NRXN3: variants seen among roughly 807,000 people sequenced by gnomAD.
NRXN3 encodes neurexin III.
NRXN3 carries 32 observed loss-of-function variants against 137.6 expected under a neutral mutation model. The ratio of observed to expected loss-of-function variants is 0.23; its 90% CI spans 0.18 to 0.31. The LOEUF (loss-of-function observed/expected upper bound fraction) is 0.31. NRXN3 is among the 10% of genes least tolerant of loss of function. The probability of loss-of-function intolerance (pLI) is 1.00; values close to 1 mark genes in which losing one functional copy is unlikely to be tolerated. For missense variants in NRXN3, 1,574 were observed against 2,062.5 expected, an observed-to-expected ratio of 0.76 and a Z score of 4.59; for synonymous variants, 798 against 784.5, an observed-to-expected ratio of 1.02 and a Z score of -0.29.
At chr14:79,624,977 G>C (rs781382660) in intron 16 of NRXN3, among the ~76,000 whole-genome samples, 113 of 151,820 alleles carry the variant, frequency 7.4e-4, no homozygotes, top group Non-Finnish European at 1.2e-3. Context: ...CTAATTGTTT[G>C]TTGTAGAGAT....
intron 15 of NRXN3, among the ~76,000 whole-genome samples, chr14:79,104,210 TG>T (rs1239133042): frequency 8.0e-4 from 122 of 152,316 alleles, no homozygotes; most frequent in African/African-American, 2.9e-3. Flanking sequence ...CTTATTAGAA[TG>T]GAAGTTCCAT....
intron 4 of NRXN3, among the ~76,000 whole-genome samples, chr14:78,640,088 A>C (rs898358961): frequency 6.6e-6 from 1 of 152,000 alleles, no homozygotes; most frequent in African/African-American, 2.4e-5. Flanking sequence ...TTGCATTTGG[A>C]TCTTAAGTAT....
chr14:79,315,389 A>G (rs902352129), intron 15 of NRXN3, among the ~76,000 whole-genome samples: 2 of 152,212 alleles, frequency 1.3e-5, no homozygotes, highest in African/African-American at 4.8e-5. Context: ...ATGCAGGACC[A>G]ATGCTCCATC....
chr14:78,947,027 A>G (rs996488299), intron 10 of NRXN3, among the ~76,000 whole-genome samples: 1 of 152,188 alleles, frequency 6.6e-6, no homozygotes, highest in African/African-American at 2.4e-5. Flanking sequence ...ACCTACATAC[A>G]TATTATTTTA....
intron 16 of NRXN3, among the ~76,000 whole-genome samples, chr14:79,536,418 C>G (rs1461354431): frequency 1.4e-5 from 2 of 145,488 alleles, no homozygotes; most frequent in East Asian, 3.9e-4. Context: ...CATCTGGTCA[C>G]AACATTTTTT....
intron 4 of NRXN3, among the ~76,000 whole-genome samples, chr14:78,567,499 T>C (rs1372660865): frequency 6.6e-6 from 1 of 152,022 alleles, no homozygotes; most frequent in Non-Finnish European, 1.5e-5. Context: ...ACTGACCACA[T>C]GTAATTCTGC....
At chr14:79,182,608 T>C (rs1261689540) in intron 15 of NRXN3, among the ~76,000 whole-genome samples, 1 of 152,108 alleles carries the variant, frequency 6.6e-6, no homozygotes, top group African/African-American at 2.4e-5. Flanking sequence ...AGATGAAGCT[T>C]TGCTTGCTCA....
In NRXN3 at chr14:78,483,302, T is replaced by C. The variant is rs527316629; in HGVS notation, c.758-161818T>C. 7.2e-5 allele frequency among the ~76,000 whole-genome samples: 11 copies of C among 152,348 alleles called. No homozygotes were observed. In the East Asian group the frequency reaches 1.9e-3, roughly 27 times the overall value. On this transcript the variant is annotated intron_variant, in intron 4 of 20. Coordinates refer to ENST00000335750, the MANE Select transcript of NRXN3 (RefSeq NM_001330195.2). ...TTACTGTTAATCTGCTGTTCAACTTTTTGGGAATGAATTAGCAACTCTTAA... is the reference window on the plus strand; with the variant it reads ...TTACTGTTAATCTGCTGTTCAACTTCTTGGGAATGAATTAGCAACTCTTAA...
chr14:78,308,409 G>T (rs2077590314), intron 4 of NRXN3, among the ~76,000 whole-genome samples: 5 of 152,124 alleles, frequency 3.3e-5, no homozygotes, highest in Admixed American at 3.3e-4. Context: ...AACTGAAAGA[G>T]AACTGGGTCC....
chr14:79,586,318 C>A (rs2097765032), intron 16 of NRXN3, among the ~76,000 whole-genome samples: 1 of 152,168 alleles, frequency 6.6e-6, no homozygotes, highest in Admixed American at 6.5e-5. Context: ...TAGATGAAAT[C>A]AGAAAGCAAA....
chr14:79,831,961 A>G (rs1029648684), intron 20 of NRXN3, among the ~76,000 whole-genome samples: 11 of 152,222 alleles, frequency 7.2e-5, no homozygotes, highest in Non-Finnish European at 1.5e-4. Flanking sequence ...ATACTTTAGT[A>G]TTTAACAGGC....
At chr14:78,273,161 G>A (rs2153490685) in intron 2 of NRXN3, among the ~76,000 whole-genome samples, 1 of 152,286 alleles carries the variant, frequency 6.6e-6, no homozygotes, top group South Asian at 2.1e-4. Flanking sequence ...TTCACCCTCT[G>A]ATGGGCTGAT....
At chr14:79,163,173 G>C (rs1489019335) in intron 15 of NRXN3, among the ~76,000 whole-genome samples, 1 of 151,868 alleles carries the variant, frequency 6.6e-6, no homozygotes, top group African/African-American at 2.4e-5. Flanking sequence ...AAACTTATCA[G>C]TAGTTTTAGA....
At chr14:79,437,653 C>A (rs1184016897) in intron 15 of NRXN3, among the ~76,000 whole-genome samples, 1 of 152,130 alleles carries the variant, frequency 6.6e-6, no homozygotes, top group Non-Finnish European at 1.5e-5. Context: ...GGCTGCCGAA[C>A]CTCACAGATA....
In NRXN3 at chr14:79,279,987, C is replaced by T. The variant is rs898978559; in HGVS notation, c.3263-187234C>T. 2.0e-5 allele frequency: 23 copies of T among 1,179,390 alleles called. 1 individual carries two copies. The highest frequency in any genetic ancestry group is 1.9e-4 in the African/African-American group (12 of 63,054). 73.1% of individuals were successfully genotyped at this position (1,179,390 alleles called of 1,614,324 possible). On this transcript the variant is annotated intron_variant, in intron 15 of 20. Coordinates refer to ENST00000335750, the MANE Select transcript of NRXN3 (RefSeq NM_001330195.2). Reference sequence around the variant, plus strand: ...ATCCGGAGGAAGCCGCGCCGGTCTTCCCCTGACATGCGTGGCATGCCGGGG... The same window carrying T: ...ATCCGGAGGAAGCCGCGCCGGTCTTTCCCTGACATGCGTGGCATGCCGGGG...
At chr14:78,387,443 T>C (rs1407454577) in intron 4 of NRXN3, among the ~76,000 whole-genome samples, 1 of 152,180 alleles carries the variant, frequency 6.6e-6, no homozygotes, top group Non-Finnish European at 1.5e-5. Flanking sequence ...TCTTGAAATC[T>C]TGTTTTTCTC....
chr14:79,703,633 C>T (rs1173303964), intron 19 of NRXN3, among the ~76,000 whole-genome samples: 1 of 151,830 alleles, frequency 6.6e-6, no homozygotes, highest in Non-Finnish European at 1.5e-5. Context: ...GGGGAAACTG[C>T]CCCCCTGATC....
chr14:78,352,735 G>T (rs1454693649), intron 4 of NRXN3, among the ~76,000 whole-genome samples: 1 of 152,232 alleles, frequency 6.6e-6, no homozygotes, highest in Non-Finnish European at 1.5e-5. Flanking sequence ...AAACATCTCA[G>T]TGGTTGCAAG....
intron 15 of NRXN3, among the ~76,000 whole-genome samples, chr14:79,166,142 C>A (rs189861914): frequency 6.6e-6 from 1 of 152,060 alleles, no homozygotes; most frequent in East Asian, 1.9e-4. Flanking sequence ...ATAGTTCCTC[C>A]TAAATAATGT....
Sources: allele counts gnomAD v4.1 joint callset (sites outside exome capture counted in the v4.1 genomes callset), GRCh38; gene constraint gnomAD v4.1.1; transcripts MANE v1.5; gene names NCBI Gene and HGNC (gene_info 2026-07-23, HGNC 2026-07-21).